LCORL: variants seen among roughly 807,000 people sequenced by gnomAD.
LCORL encodes ligand-dependent nuclear receptor corepressor-like protein.
A neutral mutation model predicts 141.8 loss-of-function variants in LCORL; 41 were observed. The observed-to-expected ratio is 0.29, with a 90% CI of 0.23 to 0.38. LCORL has a LOEUF of 0.38. Among genes scored for constraint, LCORL ranks in the 10% least tolerant of loss-of-function variants. LCORL has a pLI of 1.00. For synonymous variants in LCORL, 618 were observed against 694.1 expected (o/e 0.89, Z 1.72); for missense variants, 1,759 against 2,035.0 (o/e 0.86, Z 2.61).
exon 8 of LCORL, chr4:17,845,117 C>A (rs1361166807): frequency 6.6e-6 from 1 of 152,368 alleles, no homozygotes; most frequent in African/African-American, 2.4e-5. Context: ...AGTAAACATG[C>A]AATTGTGCCA....
chr4:18,018,933 A>G (rs1725057723), intron 1 of LCORL, among the ~76,000 whole-genome samples: 1 of 152,240 alleles, frequency 6.6e-6, no homozygotes, highest in African/African-American at 2.4e-5. Context: ...AGGGAAAATA[A>G]TATGGCTTTT....
At chr4:17,894,039 T>C (rs1729510348) in intron 5 of LCORL, among the ~76,000 whole-genome samples, 1 of 152,152 alleles carries the variant, frequency 6.6e-6, no homozygotes. Flanking sequence ...CCTCAAGTAA[T>C]CCACCTGCCT....
chr4:17,890,211 T>C lies in LCORL; in HGVS notation c.683-4050A>G, dbSNP rs117280774. ...TATCAGAAGTGCTGAACAATAGATA[T>C]TACCAAATTTATTTCCCACATCCTT... On this transcript the variant is annotated intron_variant, in intron 5 of 7. Transcript: ENST00000635767. Among the ~76,000 whole-genome samples, 74 of 152,244 alleles carry C rather than the reference T, an allele frequency of 4.9e-4. No individual in the cohort carries two copies. The East Asian group carries it at 0.014, about 29-fold the overall frequency.
intron 7 of LCORL, among the ~76,000 whole-genome samples, chr4:17,852,223 A>G (rs1243745031): frequency 6.6e-6 from 1 of 152,174 alleles, no homozygotes; most frequent in Non-Finnish European, 1.5e-5. Flanking sequence ...GACTTTATAT[A>G]TCTATATCCT....
chr4:17,862,843 G>GT (rs57707106), intron 7 of LCORL, among the ~76,000 whole-genome samples: 7,471 of 152,114 alleles, frequency 0.049, 607 homozygotes, highest in African/African-American at 0.17. Flanking sequence ...GATGCCAAAA[G>GT]CAATTGCAAC....
chr4:17,989,525 TG>T (rs1413477616), intron 1 of LCORL, among the ~76,000 whole-genome samples: 1 of 152,216 alleles, frequency 6.6e-6, no homozygotes, highest in African/African-American at 2.4e-5. Flanking sequence ...TTTCAGATAT[TG>T]AAAAATTCTA....
chr4:17,949,161 C>T lies in LCORL; in HGVS notation c.430+12742G>A, dbSNP rs536853193. 2.6e-5 allele frequency among the ~76,000 whole-genome samples: 4 copies of T among 152,168 alleles called. No homozygotes were observed. The East Asian group carries it at 7.7e-4, about 29-fold the overall frequency. On this transcript the variant is annotated intron_variant, in intron 4 of 7. Coordinates refer to ENST00000635767, the Ensembl canonical transcript of LCORL. Reference sequence around the variant, plus strand: ...ACTCTAGAATCTTATGCTTTTTATACACTTGGTCTCTTTGGGCATATTCAT... The same window carrying T: ...ACTCTAGAATCTTATGCTTTTTATATACTTGGTCTCTTTGGGCATATTCAT...
intron 1 of LCORL, among the ~76,000 whole-genome samples, chr4:17,990,333 T>C (rs1719762611): frequency 6.6e-6 from 1 of 152,070 alleles, no homozygotes; most frequent in Admixed American, 6.5e-5. Flanking sequence ...TCTCCTGACC[T>C]TGTGATCCAC....
At chr4:17,885,397 CAA>C (rs1349256109) in intron 6 of LCORL, among the ~76,000 whole-genome samples, 1 of 151,886 alleles carries the variant, frequency 6.6e-6, no homozygotes, top group East Asian at 1.9e-4. Flanking sequence ...CCTTACGACT[CAA>C]ATACTACTAC....
chr4:17,948,088 C>T (rs1367810876), intron 4 of LCORL, among the ~76,000 whole-genome samples: 1 of 151,850 alleles, frequency 6.6e-6, no homozygotes, highest in Non-Finnish European at 1.5e-5. Context: ...GGAATAATGG[C>T]TTTGTTTTAA....
At chr4:17,927,914 C>T (rs922099811) in intron 4 of LCORL, among the ~76,000 whole-genome samples, 3 of 152,164 alleles carry the variant, frequency 2.0e-5, no homozygotes, top group Admixed American at 6.5e-5. Flanking sequence ...ACGGCTGCTA[C>T]GCACCTTCAA....
exon 7 of LCORL, chr4:17,877,780 G>T (rs1727074075): frequency 8.1e-7 from 1 of 1,230,490 alleles, no homozygotes; most frequent in African/African-American, 1.6e-5. Flanking sequence ...TGAATGTTTG[G>T]TAACAGTCCA....
At chr4:17,889,343 A>G (rs1009463283) in intron 5 of LCORL, among the ~76,000 whole-genome samples, 5 of 152,106 alleles carry the variant, frequency 3.3e-5, no homozygotes, top group African/African-American at 7.2e-5. Flanking sequence ...GGCTATGTTA[A>G]AAGTTTTATT....
At chr4:17,893,633 G>T (rs774771474) in intron 5 of LCORL, 3 of 981,514 alleles carry the variant, frequency 3.1e-6, no homozygotes, top group Non-Finnish European at 3.6e-6. Flanking sequence ...TTTCTTATTT[G>T]TTTTCTAGTT....
intron 1 of LCORL, among the ~76,000 whole-genome samples, chr4:18,016,292 G>C (rs189591035): frequency 6.6e-6 from 1 of 152,148 alleles, no homozygotes. Context: ...AGAAACTAAA[G>C]TATAGACAGG....
At chr4:17,912,732 A>G (rs917974235) in intron 4 of LCORL, 4 of 402,644 alleles carry the variant, frequency 9.9e-6, no homozygotes, top group African/African-American at 6.2e-5. Flanking sequence ...CTGCACCTGG[A>G]GTCGGAGCTG....
At chr4:17,944,662 G>C (rs1031135623) in intron 4 of LCORL, among the ~76,000 whole-genome samples, 2 of 151,956 alleles carry the variant, frequency 1.3e-5, no homozygotes, top group Admixed American at 1.3e-4. Context: ...CTTCTCCAAG[G>C]GGCTTTGGTT....
chr4:17,862,652 G>A (rs1333188677), intron 7 of LCORL, among the ~76,000 whole-genome samples: 1 of 152,168 alleles, frequency 6.6e-6, no homozygotes, highest in Non-Finnish European at 1.5e-5. Flanking sequence ...ATATGGTGCT[G>A]GGATAACTGG....
exon 7 of LCORL, chr4:17,873,567 C>T: frequency 8.1e-7 from 1 of 1,233,712 alleles, no homozygotes; most frequent in Non-Finnish European, 1.0e-6. Context: ...TTTACTATTG[C>T]CAAGATGGTC....
Sources: gnomAD v4.1 joint callset for allele counts (sites outside exome capture counted in the v4.1 genomes callset) on GRCh38, gnomAD v4.1.1 for gene constraint, MANE v1.5 for transcripts, NCBI Gene and HGNC (gene_info 2026-07-23, HGNC 2026-07-21) for gene names.